BOD1L1: variants seen among roughly 807,000 people sequenced by gnomAD.
BOD1L1 encodes the protein biorientation of chromosomes in cell division protein 1-like 1.
In BOD1L1, 86 loss-of-function variants were observed where a neutral mutation model predicts 240.7. The observed-to-expected ratio is 0.36, with a 90% CI of 0.30 to 0.43. The LOEUF is 0.43. Ranked by LOEUF, BOD1L1 falls within the 20% of genes least tolerant of loss-of-function variation. The pLI is 1.00. For synonymous variants in BOD1L1, 1,268 were observed against 1,272.3 expected (o/e 1.00, Z 0.07); for missense variants, 3,554 against 3,643.5 (o/e 0.98, Z 0.63).
chr4:13,587,614 AT>A, intron 16 of BOD1L1, 84 bp downstream of exon 16: 1 of 1,032,918 alleles, frequency 9.7e-7, no homozygotes, highest in African/African-American at 1.6e-5. Context: ...ATCCTCAAAA[AT>A]TCTCTATGTT....
rs1391340177 is a variant in BOD1L1, at chr4:13,601,836, T to G, written c.5064A>C (p.Gly1688=). The change falls in exon 10 of 26, where the codon GGA becomes GGC. Residue 1688 remains glycine (G), a synonymous_variant. Transcript: ENST00000040738. ...ITFISEVESD[G]AVTSAGTEIR... is the part of the protein sequence containing the mutation. ...TCTCTGTTCCAGCACTTGTAACTGCTCCATCACTTTCAACTTCACTAATAA... is the reference window on the plus strand; with the variant it reads ...TCTCTGTTCCAGCACTTGTAACTGCGCCATCACTTTCAACTTCACTAATAA... 1 of 1,613,868 alleles carries G rather than the reference T, an allele frequency of 6.2e-7. No individual in the cohort carries two copies. Among genetic ancestry groups the G allele is most frequent in the Non-Finnish European group, 8.5e-7 (1 of 1,179,898 alleles).
chr4:13,620,961 A>T (rs1017662588), intron 1 of BOD1L1, among the ~76,000 whole-genome samples: 4 of 152,198 alleles, frequency 2.6e-5, no homozygotes, highest in Non-Finnish European at 5.9e-5. Flanking sequence ...AGGTTGTTAC[A>T]ACTGATGAGA....
intron 11 of BOD1L1, among the ~76,000 whole-genome samples, chr4:13,596,498 T>C (rs1458524970): frequency 6.6e-6 from 1 of 152,096 alleles, no homozygotes. Flanking sequence ...TCACTGCTGT[T>C]TTGTCACATA....
At chr4:13,592,180 A>G (rs1577332855) in intron 12 of BOD1L1, 1 of 500,562 alleles carries the variant, frequency 2.0e-6, no homozygotes, top group East Asian at 3.3e-5. Context: ...AACATAAATT[A>G]ATGTTGCCTG....
chr4:13,594,313 T>C (rs534128491), intron 12 of BOD1L1, among the ~76,000 whole-genome samples: 1 of 152,328 alleles, frequency 6.6e-6, no homozygotes, highest in South Asian at 2.1e-4. Context: ...TCACATACTC[T>C]ATAGTTCCTA....
chr4:13,571,641 G>A (rs1220380699), intron 25 of BOD1L1, among the ~76,000 whole-genome samples: 2 of 152,194 alleles, frequency 1.3e-5, no homozygotes, highest in Non-Finnish European at 2.9e-5. Flanking sequence ...CACCCAGAAT[G>A]TGGTCTGTGA....
intron 21 of BOD1L1, among the ~76,000 whole-genome samples, chr4:13,580,361 C>A (rs1713127546): frequency 6.6e-6 from 1 of 152,200 alleles, no homozygotes; most frequent in Admixed American, 6.5e-5. Context: ...TTCAAGGAAA[C>A]TGAGTCACCA....
intron 25 of BOD1L1, 129 bp from the exon 26 acceptor site, chr4:13,570,257 T>C: frequency 1.6e-6 from 1 of 616,712 alleles, no homozygotes; most frequent in East Asian, 3.4e-5. Context: ...GTAACATTTA[T>C]ACATGAAAAG....
At position 13,604,108 on chromosome 4, in the gene BOD1L1, C is replaced by A. The variant is rs764785285; in HGVS notation, c.2792G>T (p.Gly931Val). Reference protein sequence around the residue: ...VKVVETELQEGATKQATTPKP... With the variant: ...VKVVETELQEVATKQATTPKP... ...TGGAGTGGTTGCCTGTTTTGTGGCACCTTCTTGTAATTCTGTTTCTACAAC... is the reference window on the plus strand; with the variant it reads ...TGGAGTGGTTGCCTGTTTTGTGGCAACTTCTTGTAATTCTGTTTCTACAAC... Residue 931 changes from glycine to valine, a missense_variant, in exon 10 of 26, where the codon GGT (glycine) becomes GTT (valine). Gly to Val is a moderately radical substitution (Grantham distance 109). Coordinates refer to ENST00000040738, the MANE Select transcript of BOD1L1 (RefSeq NM_148894.3). The A allele has an allele frequency of 1.9e-6, 3 of 1,613,620 alleles. No homozygotes were observed. Among genetic ancestry groups the A allele is most frequent in the Non-Finnish European group, 2.5e-6 (3 of 1,179,824 alleles).
chr4:13,615,304 C>A lies in BOD1L1; in HGVS notation c.559+8G>T. The A allele has an allele frequency of 6.3e-7, 1 of 1,598,318 alleles. No individual in the cohort carries two copies. ...CAATGGAACTGACCAAGAGTAAAAGCAAAGCACCTTGTGTAATAAGGGAAG... is the reference window on the plus strand; with the variant it reads ...CAATGGAACTGACCAAGAGTAAAAGAAAAGCACCTTGTGTAATAAGGGAAG... On this transcript the variant is annotated splice_region_variant and intron_variant, in intron 3 of 25. Coordinates refer to ENST00000040738, the MANE Select transcript of BOD1L1 (RefSeq NM_148894.3).
Position 13,607,205 on chromosome 4 carries a change from T to C in BOD1L1, c.1743-16A>G, listed in dbSNP as rs776360841. On this transcript the variant is annotated splice_polypyrimidine_tract_variant and intron_variant, in intron 8 of 25. Transcript: ENST00000040738. ...TTCAACATTCCTAAGGGGGAAAGAG[T>C]CAAATATAAAGCATGAATCAAATAC... 6.6e-7 allele frequency: 1 copy of C among 1,515,174 alleles called. No individual in the cohort carries two copies. Among genetic ancestry groups the C allele is most frequent in the Admixed American group, 2.2e-5 (1 of 45,990 alleles). 93.9% of individuals were successfully genotyped at this position (1,515,174 alleles called of 1,614,324 possible).
intron 17 of BOD1L1, among the ~76,000 whole-genome samples, chr4:13,584,810 T>C (rs932667346): frequency 9.2e-5 from 14 of 152,210 alleles, no homozygotes; most frequent in African/African-American, 3.4e-4. Flanking sequence ...AATGACTTTA[T>C]TGATTTTATA....
At chr4:13,611,166 A>G (rs1716140447) in intron 5 of BOD1L1, 66 bp from the exon 6 acceptor site, 1 of 1,203,838 alleles carries the variant, frequency 8.3e-7, no homozygotes, top group Non-Finnish European at 1.2e-6. Context: ...ATTATGCTGT[A>G]CAAGCAGTAA....
chr4:13,627,611 A>C lies in BOD1L1; in HGVS notation c.-24T>G. 1.8e-6 allele frequency: 2 copies of C among 1,139,076 alleles called. No individual in the cohort carries two copies. Among genetic ancestry groups the C allele is most frequent in the Non-Finnish European group, 2.2e-6 (2 of 927,632 alleles). 70.6% of individuals were successfully genotyped at this position (1,139,076 alleles called of 1,614,324 possible). On this transcript the variant is annotated 5_prime_UTR_variant, in exon 1 of 26. Transcript: ENST00000040738. ...ATGGTGGCCTGTGCCGGGGAGGGCAAGGGCCCTGACCGGCGGACGATCCTG... is the reference window on the plus strand; with the variant it reads ...ATGGTGGCCTGTGCCGGGGAGGGCACGGGCCCTGACCGGCGGACGATCCTG...
rs367926613 is a variant in BOD1L1 at position 13,579,924 on chromosome 4, A to G, written c.8749+4T>C. The G allele has an allele frequency of 2.2e-5, 35 of 1,560,338 alleles. No individual in the cohort carries two copies. The African/African-American group carries it at 4.6e-4, about 21-fold the overall frequency. Reference sequence around the variant, plus strand: ...ACACACAGAGGAATGCGGTAGGTACATACCTGTTTGCATTACTTTCAGTTT... The same window carrying G: ...ACACACAGAGGAATGCGGTAGGTACGTACCTGTTTGCATTACTTTCAGTTT... On this transcript the variant is annotated splice_donor_region_variant and intron_variant, in intron 22 of 25. Transcript: ENST00000040738.
intron 17 of BOD1L1, 98 bp from the exon 18 acceptor site, chr4:13,582,834 T>G: frequency 1.3e-6 from 1 of 753,494 alleles, no homozygotes; most frequent in Non-Finnish European, 2.2e-6. Flanking sequence ...TCAAAAAAAC[T>G]TCCTAGCTCT....
chr4:13,580,315 A>G (rs1031433904), intron 21 of BOD1L1, among the ~76,000 whole-genome samples: 1 of 152,194 alleles, frequency 6.6e-6, no homozygotes, highest in Non-Finnish European at 1.5e-5. Flanking sequence ...TAATAATTCT[A>G]TGAGATAAGT....
At position 13,582,684 on chromosome 4, in the gene BOD1L1, T is replaced by C. The variant is rs1427123189; in HGVS notation, c.8486A>G (p.Asn2829Ser). Reference protein sequence around the residue: ...EELPKTSSETNSTTSRVMEEK... With the variant: ...EELPKTSSETSSTTSRVMEEK... ...TTCCATGACCCTTGAGGTAGTGCTA[T>C]TTGTCTCAGAACTGGTTTTAGGTAA... is the stretch of plus-strand genomic sequence containing the variant. Residue 2829 changes from asparagine to serine, a missense_variant, in exon 18 of 26, where the codon AAT becomes AGT. Physicochemically the swap from Asn to Ser is conservative, Grantham distance 46 (BLOSUM62 1). Coordinates refer to ENST00000040738, the MANE Select transcript of BOD1L1 (RefSeq NM_148894.3). 6.2e-7 allele frequency: 1 copy of C among 1,613,132 alleles called. No individual in the cohort carries two copies. The highest frequency in any genetic ancestry group is 8.5e-7 in the Non-Finnish European group (1 of 1,179,246).
chr4:13,612,629 A>C (rs1373385901), intron 5 of BOD1L1, among the ~76,000 whole-genome samples: 1 of 152,202 alleles, frequency 6.6e-6, no homozygotes, highest in Non-Finnish European at 1.5e-5. Flanking sequence ...TAAAGAATTC[A>C]GCCTTGCCCA....
Sources: allele counts gnomAD v4.1 joint callset (sites outside exome capture counted in the v4.1 genomes callset), GRCh38; gene constraint gnomAD v4.1.1; transcripts MANE v1.5; gene names NCBI Gene and HGNC (gene_info 2026-07-23, HGNC 2026-07-21).